CMSS1: variants seen among roughly 807,000 people sequenced by gnomAD.
CMSS1 encodes the protein cms1 ribosomal small subunit homolog, also known as protein CMSS1.
A neutral mutation model predicts 43.5 loss-of-function variants in CMSS1; 33 were observed. The ratio of observed to expected loss-of-function variants is 0.76; its 90% CI spans 0.57 to 1.01. The LOEUF (loss-of-function observed/expected upper bound fraction) is 1.01, where lower values mean the gene tolerates loss of function less well. Ranked by LOEUF, CMSS1 falls within the 50% of genes least tolerant of loss-of-function variation. The pLI, the probability that CMSS1 is intolerant of heterozygous loss-of-function variation, is 0.00. For missense variants in CMSS1, 313 were observed against 326.4 expected, an observed-to-expected ratio of 0.96 and a Z score of 0.32; for synonymous variants, 115 against 117.2, an observed-to-expected ratio of 0.98 and a Z score of 0.12.
chr3:99,944,145 C>T (rs1707934634), intron 1 of CMSS1, among the ~76,000 whole-genome samples: 2 of 152,290 alleles, frequency 1.3e-5, no homozygotes, highest in Admixed American at 6.5e-5. Flanking sequence ...CCCTACCTCA[C>T]CAAAGGGAGG....
At chr3:99,938,072 TGTGC>T (rs59272471) in intron 1 of CMSS1, among the ~76,000 whole-genome samples, 61,331 of 142,076 alleles carry the variant, frequency 0.43, 12,650 homozygotes, top group East Asian at 0.69. Context: ...TGTGTGTGTG[TGTGC>T]GCGCGCGCGC....
intron 1 of CMSS1, among the ~76,000 whole-genome samples, chr3:100,143,713 C>T (rs2066823355): frequency 6.6e-6 from 1 of 152,114 alleles, no homozygotes; most frequent in Non-Finnish European, 1.5e-5. Flanking sequence ...ACTTTGCATG[C>T]TTTGTACTTC....
In CMSS1 at chr3:99,848,311, C is replaced by T. The variant is rs370091852; in HGVS notation, c.64+30268C>T. On this transcript the variant is annotated intron_variant, in intron 1 of 9. Coordinates refer to ENST00000421999, the MANE Select transcript of CMSS1 (RefSeq NM_032359.4). ...ATTACTTACTGTAATTTGTGATTGT[C>T]GAGGAAGAGGTGTGGCTGTTGGTGT... 6.3e-5 allele frequency: 101 copies of T among 1,613,754 alleles called. 1 individual carries two copies. Among genetic ancestry groups the T allele is most frequent in the Non-Finnish European group, 8.0e-5 (94 of 1,179,944 alleles).
chr3:100,015,356 A>G (rs1377340286), intron 1 of CMSS1, among the ~76,000 whole-genome samples: 1 of 151,952 alleles, frequency 6.6e-6, no homozygotes, highest in African/African-American at 2.4e-5. Flanking sequence ...TTTTTGCTCG[A>G]GATTGGAGTA....
At chr3:100,173,269 C>T (rs1054833772) in intron 8 of CMSS1, among the ~76,000 whole-genome samples, 8 of 152,120 alleles carry the variant, frequency 5.3e-5, no homozygotes, top group Non-Finnish European at 1.0e-4. Flanking sequence ...TTTGGCTGCC[C>T]CTGACAAGGA....
chr3:99,970,425 G>A (rs555241203), intron 1 of CMSS1, among the ~76,000 whole-genome samples: 11 of 152,334 alleles, frequency 7.2e-5, no homozygotes, highest in Non-Finnish European at 5.9e-5. Flanking sequence ...AATGAATGTG[G>A]TTCACTAGTC....
intron 1 of CMSS1, among the ~76,000 whole-genome samples, chr3:99,988,956 G>C (rs1709433751): frequency 6.6e-6 from 1 of 152,222 alleles, no homozygotes; most frequent in South Asian, 2.1e-4. Flanking sequence ...GGAATTATCA[G>C]AAGTGTAGTG....
At chr3:100,037,158 G>T (rs1284715319) in intron 1 of CMSS1, among the ~76,000 whole-genome samples, 1 of 151,020 alleles carries the variant, frequency 6.6e-6, no homozygotes, top group African/African-American at 2.5e-5. Flanking sequence ...ACATAATGTT[G>T]TGCTTATATA....
chr3:99,849,807 ATTG>A, intron 1 of CMSS1: 1 of 1,612,036 alleles, frequency 6.2e-7, no homozygotes, highest in Non-Finnish European at 8.5e-7. Context: ...CCTTAATCTT[ATTG>A]TTTTCTTGGT....
In CMSS1 at chr3:100,037,960, G is replaced by GA. The variant is rs1319777710; in HGVS notation, c.65-109013_65-109012insA. ...TTTTCTTTTTTTTTTTTTTTTTGGG[G>GA]GGGGAGGGAACAGAGTCTCAAATCT... On this transcript the variant is annotated intron_variant, in intron 1 of 9. Coordinates refer to ENST00000421999, the MANE Select transcript of CMSS1 (RefSeq NM_032359.4). Among the ~76,000 whole-genome samples the GA allele has an allele frequency of 4.5e-3, 586 of 129,418 alleles. 7 individuals carry two copies. The highest frequency in any genetic ancestry group is 0.016 in the African/African-American group (536 of 34,172). 84.9% of individuals were successfully genotyped at this position (129,418 alleles called of 152,430 possible).
intron 1 of CMSS1, among the ~76,000 whole-genome samples, chr3:99,864,760 G>T (rs1386518102): frequency 2.0e-5 from 3 of 151,954 alleles, no homozygotes; most frequent in African/African-American, 4.8e-5. Flanking sequence ...ACACGGCATG[G>T]TGTGCTTTTG....
chr3:99,930,110 T>C (rs899359038), intron 1 of CMSS1: 7 of 1,162,176 alleles, frequency 6.0e-6, no homozygotes, highest in Non-Finnish European at 8.5e-6. Flanking sequence ...TAGTTGGCAG[T>C]GCTTTTTCTT....
chr3:100,052,760 A>G (rs1447857158), intron 1 of CMSS1, among the ~76,000 whole-genome samples: 1 of 152,230 alleles, frequency 6.6e-6, no homozygotes, highest in African/African-American at 2.4e-5. Flanking sequence ...CATGTAAACC[A>G]GTTGTTTGAG....
intron 1 of CMSS1, among the ~76,000 whole-genome samples, chr3:100,112,414 A>G (rs2066507133): frequency 6.6e-6 from 1 of 152,206 alleles, no homozygotes; most frequent in African/African-American, 2.4e-5. Context: ...CACTCTATTA[A>G]AGGCACCATC....
rs185598890 is a variant in CMSS1 at position 99,880,315 on chromosome 3, C to T, written c.64+62272C>T. ...ACCCACATGAAATATACCATATCTC[C>T]GCACTTAAACTGTACTTAAAAGAGC... On this transcript the variant is annotated intron_variant, in intron 1 of 9. Transcript: ENST00000421999. Among the ~76,000 whole-genome samples the T allele has an allele frequency of 1.4e-4, 22 of 152,204 alleles. No individual in the cohort carries two copies. In the East Asian group the frequency reaches 1.9e-3, roughly 13 times the overall value.
intron 1 of CMSS1, among the ~76,000 whole-genome samples, chr3:100,098,041 C>G (rs1316241055): frequency 4.6e-5 from 7 of 152,128 alleles, no homozygotes; most frequent in African/African-American, 1.7e-4. Context: ...TTTGAAAAAT[C>G]TAGTAAAACA....
At chr3:100,163,143 A>G (rs2067039415) in intron 4 of CMSS1, among the ~76,000 whole-genome samples, 1 of 152,188 alleles carries the variant, frequency 6.6e-6, no homozygotes, top group Non-Finnish European at 1.5e-5. Flanking sequence ...CAAAAGGTTA[A>G]TTGTTGGGTG....
intron 1 of CMSS1, among the ~76,000 whole-genome samples, chr3:100,041,816 CTTGAT>C (rs916976671): frequency 1.3e-5 from 2 of 152,066 alleles, no homozygotes; most frequent in African/African-American, 4.8e-5. Flanking sequence ...CATGTTGTGC[CTTGAT>C]TTATCTCACC....
At chr3:100,006,930 T>C (rs1490295136) in intron 1 of CMSS1, among the ~76,000 whole-genome samples, 1 of 152,242 alleles carries the variant, frequency 6.6e-6, no homozygotes, top group East Asian at 1.9e-4. Context: ...AAATAACTTG[T>C]TTTAAAAAGT....
Sources: allele counts gnomAD v4.1 joint callset (sites outside exome capture counted in the v4.1 genomes callset), GRCh38; gene constraint gnomAD v4.1.1; transcripts MANE v1.5; gene names NCBI Gene and HGNC (gene_info 2026-07-23, HGNC 2026-07-21).